Variants in U2SURP observed in about 807,000 individuals in gnomAD.
The protein encoded by U2SURP is U2 snRNP associated SURP domain containing.
U2SURP carries 9 observed loss-of-function variants against 144.9 expected under a neutral mutation model. That is an observed-to-expected ratio of 0.06 (90% CI 0.04 to 0.11). The LOEUF (loss-of-function observed/expected upper bound fraction) is 0.11. Among genes scored for constraint, U2SURP ranks in the 10% least tolerant of loss-of-function variants. U2SURP has a pLI of 1.00. For missense variants in U2SURP, 724 were observed against 1,226.7 expected, an observed-to-expected ratio of 0.59 and a Z score of 6.12; for synonymous variants, 408 against 396.8, an observed-to-expected ratio of 1.03 and a Z score of -0.33.
rs397758234 is a variant in U2SURP at position 143,053,548 on chromosome 3, T to TA, written c.2656-126dup. 4.9e-5 allele frequency: 32 copies of TA among 659,620 alleles called. No homozygotes were observed. The Admixed American group carries it at 9.1e-4, about 19-fold the overall frequency. The allele number at this position is 659,620 out of a possible 1,614,324, so 40.9% of individuals were successfully genotyped here. A position where few individuals can be genotyped will look rare whatever the true frequency, so the allele number is the denominator to read the frequency against. On this transcript the variant is annotated intron_variant, in intron 25 of 27. Coordinates refer to ENST00000473835, the MANE Select transcript of U2SURP (RefSeq NM_001080415.2). ...CTGAAGGGGTAGATTTTTTTTTTTT[T>TA]AATAGTATTGTACCTTAAGTAGTAA...
At chr3:143,049,017 G>A (rs1934694619) in intron 24 of U2SURP, among the ~76,000 whole-genome samples, 1 of 151,706 alleles carries the variant, frequency 6.6e-6, no homozygotes, top group Non-Finnish European at 1.5e-5. Flanking sequence ...CAGTTTGGGA[G>A]GCCAAGCTGG....
intron 22 of U2SURP, 79 bp downstream of exon 22, chr3:143,038,282 CTTTTATG>C (rs1933918177): frequency 9.1e-7 from 1 of 1,102,692 alleles, no homozygotes. Context: ...ATATGTTTTC[CTTTTATG>C]TTTTATAACA....
At chr3:143,040,160 G>A (rs1261115441) in intron 23 of U2SURP, among the ~76,000 whole-genome samples, 1 of 151,720 alleles carries the variant, frequency 6.6e-6, no homozygotes, top group Admixed American at 6.6e-5. Flanking sequence ...TAGAAAAGCC[G>A]TTGAACTGAA....
At chr3:143,004,573 ACCCCCCC>A (rs753834748) in intron 1 of U2SURP, among the ~76,000 whole-genome samples, 1 of 48,592 alleles carries the variant, frequency 2.1e-5, no homozygotes, top group Non-Finnish European at 3.4e-5. Flanking sequence ...TGACCTTGTG[ACCCCCCC>A]CCCCCGCCTC....
intron 23 of U2SURP, among the ~76,000 whole-genome samples, chr3:143,042,158 T>C (rs1360003516): frequency 6.6e-6 from 1 of 152,128 alleles, no homozygotes; most frequent in African/African-American, 2.4e-5. Flanking sequence ...TTCTTCTTTG[T>C]ATCCTAAGTG....
chr3:143,017,712 T>C (rs1029486506), intron 6 of U2SURP, among the ~76,000 whole-genome samples: 1 of 152,060 alleles, frequency 6.6e-6, no homozygotes, highest in Non-Finnish European at 1.5e-5. Flanking sequence ...CTCAACCTCG[T>C]AGGCTCAGGT....
intron 3 of U2SURP, among the ~76,000 whole-genome samples, chr3:143,013,602 A>G (rs891177265): frequency 1.3e-5 from 2 of 151,996 alleles, no homozygotes; most frequent in African/African-American, 2.4e-5. Flanking sequence ...TTATAAATCA[A>G]ATGAGTAACT....
intron 7 of U2SURP, 37 bp downstream of exon 7, chr3:143,020,073 G>A (rs1003934939): frequency 3.9e-6 from 5 of 1,294,748 alleles, no homozygotes; most frequent in East Asian, 2.6e-5. Flanking sequence ...TATCATAGGT[G>A]TATTGAGCTG....
chr3:143,010,456 G>A (rs2108271190), intron 1 of U2SURP, among the ~76,000 whole-genome samples: 1 of 152,262 alleles, frequency 6.6e-6, no homozygotes, highest in African/African-American at 2.4e-5. Flanking sequence ...GAAGTTGCTG[G>A]GCAGTGCTGT....
At chr3:143,032,621 G>A (rs1194602103) in intron 16 of U2SURP, among the ~76,000 whole-genome samples, 163 bp from the exon 17 acceptor site, 1 of 152,144 alleles carries the variant, frequency 6.6e-6, no homozygotes, top group Non-Finnish European at 1.5e-5. Context: ...TCAAAAAATT[G>A]TAACAATTTT....
intron 23 of U2SURP, among the ~76,000 whole-genome samples, chr3:143,040,528 C>G (rs1934048549): frequency 6.6e-6 from 1 of 151,608 alleles, no homozygotes. Context: ...TATTTTGTGG[C>G]AATATTGTGA....
intron 16 of U2SURP, 82 bp downstream of exon 16, chr3:143,028,728 A>G: frequency 8.1e-7 from 1 of 1,235,168 alleles, no homozygotes; most frequent in Non-Finnish European, 1.1e-6. Flanking sequence ...TTAAGATGTT[A>G]ACCCTAAAAT....
chr3:143,051,404 G>A (rs1444519148), intron 25 of U2SURP, among the ~76,000 whole-genome samples: 1 of 152,062 alleles, frequency 6.6e-6, no homozygotes, highest in African/African-American at 2.4e-5. Flanking sequence ...TGGAGGCAGG[G>A]TTTGGGAAGT....
intron 3 of U2SURP, among the ~76,000 whole-genome samples, chr3:143,014,043 C>T (rs1174623893): frequency 7.3e-6 from 1 of 137,550 alleles, no homozygotes; most frequent in Non-Finnish European, 1.5e-5. Flanking sequence ...TAGTGTCAGT[C>T]TCTTCTATTT....
At chr3:143,056,232 C>G (rs1935144060) in intron 27 of U2SURP, 80 bp from the exon 28 acceptor site, 2 of 1,437,580 alleles carry the variant, frequency 1.4e-6, no homozygotes, top group Admixed American at 5.1e-5. Flanking sequence ...TGTTAAAGAT[C>G]ATTTTCGATC....
chr3:143,016,226 G>A (rs1936365789), intron 4 of U2SURP, 31 bp from the exon 5 acceptor site: 1 of 1,587,636 alleles, frequency 6.3e-7, no homozygotes, highest in South Asian at 1.1e-5. Flanking sequence ...TTTTTGTATT[G>A]TGTAATATTA....
rs775279854 is a variant in U2SURP, at chr3:143,055,018, A to G, written c.2850A>G (p.Lys950=). 59 of 1,608,560 alleles carry G rather than the reference A, an allele frequency of 3.7e-5. No individual in the cohort carries two copies. Among genetic ancestry groups the G allele is most frequent in the Non-Finnish European group, 4.3e-5 (51 of 1,177,582 alleles). ...GACGAGTGAAATCCCCATCACCAAA[A>G]TCGGAGCGATCAGAGCGTTCAGAAA... ...SGRRVKSPSP[K]SERSERSERS... The change falls in exon 27 of 28, where the codon AAA becomes AAG. Residue 950 remains lysine, a synonymous_variant. Transcript: ENST00000473835.
chr3:143,047,869 G>A lies in U2SURP; in HGVS notation c.2545-3070G>A, dbSNP rs113924599. Among the ~76,000 whole-genome samples, 14 of 83,980 alleles carry A rather than the reference G, an allele frequency of 1.7e-4. 1 individual carries two copies. Among genetic ancestry groups the A allele is most frequent in the East Asian group, 1.3e-3 (3 of 2,338 alleles). 55.1% of individuals were successfully genotyped at this position (83,980 alleles called of 152,430 possible). ...CACCTCCCGGACGGGGCGGCTGGCC[G>A]GGCGGGGGGCTGACCCCCCCCAACC... On this transcript the variant is annotated intron_variant, in intron 24 of 27. Transcript: ENST00000473835.
At chr3:143,031,198 TGTTG>T (rs1933461587) in intron 16 of U2SURP, among the ~76,000 whole-genome samples, 1 of 152,160 alleles carries the variant, frequency 6.6e-6, no homozygotes, top group Non-Finnish European at 1.5e-5. Context: ...CTGTGAACAT[TGTTG>T]AAATGAAAGG....
Sources: gnomAD v4.1 joint callset for allele counts (sites outside exome capture counted in the v4.1 genomes callset) on GRCh38, gnomAD v4.1.1 for gene constraint, MANE v1.5 for transcripts, NCBI Gene and HGNC (gene_info 2026-07-23, HGNC 2026-07-21) for gene names.